ARMH3: variants seen among roughly 807,000 people sequenced by gnomAD.
The protein encoded by ARMH3 is armadillo-like helical domain-containing protein 3.
Under a neutral mutation model 99.1 loss-of-function variants are expected in ARMH3, and 60 were observed. That is an observed-to-expected ratio of 0.61 (90% CI 0.49 to 0.75). The LOEUF (loss-of-function observed/expected upper bound fraction) is 0.75. Ranked by LOEUF, ARMH3 falls within the 30% of genes least tolerant of loss-of-function variation. The pLI is 0.00. For missense variants in ARMH3, 679 were observed against 843.1 expected, an observed-to-expected ratio of 0.81 and a Z score of 2.41; for synonymous variants, 285 against 292.8, an observed-to-expected ratio of 0.97 and a Z score of 0.27.
chr10:101,887,723 G>A (rs146522963), intron 24 of ARMH3, among the ~76,000 whole-genome samples: 1,638 of 148,838 alleles, frequency 0.011, 13 homozygotes, highest in Non-Finnish European at 0.016. Flanking sequence ...GTGAGCCACC[G>A]CACCCAGCAG....
At chr10:101,953,102 T>C (rs1332072303) in intron 22 of ARMH3, among the ~76,000 whole-genome samples, 1 of 152,230 alleles carries the variant, frequency 6.6e-6, no homozygotes, top group Non-Finnish European at 1.5e-5. Flanking sequence ...CACTTGTGAA[T>C]GGTGCTATTA....
In ARMH3 at chr10:102,009,439, C is replaced by A. The variant is rs2066580094; in HGVS notation, c.889G>T (p.Ala297Ser). ...HEKISVQTNEAILLALYEAVH... is the reference protein window; with the variant it reads ...HEKISVQTNESILLALYEAVH... ...GCTTCATAAAGTGCCAGAAGAATGGCCTCATTGGTTCTAAAGAAAAAGAGA... is the reference window on the plus strand; with the variant it reads ...GCTTCATAAAGTGCCAGAAGAATGGACTCATTGGTTCTAAAGAAAAAGAGA... Residue 297 changes from alanine to serine, a missense_variant, in exon 13 of 26, where the codon GCC (alanine) becomes TCC (serine). Ala to Ser is a moderately conservative substitution (Grantham distance 99). Around this residue, in one of 3 missense-constraint regions of ARMH3, gnomAD observed 10 missense variants for 32.0 expected, o/e 0.31. Transcript: ENST00000370033. The A allele has an allele frequency of 6.2e-7, 1 of 1,613,634 alleles. No individual in the cohort carries two copies. Among genetic ancestry groups the A allele is most frequent in the South Asian group, 1.1e-5 (1 of 91,074 alleles).
At chr10:101,867,222 T>C (rs2067024990) in intron 24 of ARMH3, among the ~76,000 whole-genome samples, 1 of 152,212 alleles carries the variant, frequency 6.6e-6, no homozygotes, top group East Asian at 1.9e-4. Context: ...AAAAACTCTT[T>C]TACTGGATTG....
chr10:102,025,808 C>T (rs997769292), intron 5 of ARMH3, among the ~76,000 whole-genome samples: 1 of 152,062 alleles, frequency 6.6e-6, no homozygotes, highest in Admixed American at 6.6e-5. Context: ...TGCCACCACA[C>T]CCAGGTTTTT....
intron 23 of ARMH3, among the ~76,000 whole-genome samples, chr10:101,923,059 T>A (rs1342743252): frequency 1.3e-5 from 2 of 152,184 alleles, no homozygotes; most frequent in African/African-American, 4.8e-5. Context: ...AAAAAAACTC[T>A]CATTAAACCT....
chr10:102,021,873 G>A (rs1163324365), intron 8 of ARMH3, among the ~76,000 whole-genome samples: 1 of 151,650 alleles, frequency 6.6e-6, no homozygotes, highest in Non-Finnish European at 1.5e-5. Context: ...ATTTTTTTTT[G>A]TAGAGACTGT....
intron 5 of ARMH3, among the ~76,000 whole-genome samples, chr10:102,026,077 G>T (rs965674803): frequency 1.3e-5 from 2 of 152,096 alleles, no homozygotes; most frequent in Non-Finnish European, 2.9e-5. Context: ...GTCCATCCTG[G>T]TCTCCGCTTG....
chr10:101,913,362 T>TTTC (rs1554860904), intron 23 of ARMH3: 1 of 60,176 alleles, frequency 1.7e-5, no homozygotes, highest in African/African-American at 7.3e-5. Context: ...TCTCTCTCTC[T>TTTC]TTTTTTTTTT....
At chr10:101,962,066 C>T (rs1845321382) in intron 20 of ARMH3, among the ~76,000 whole-genome samples, 1 of 152,200 alleles carries the variant, frequency 6.6e-6, no homozygotes, top group African/African-American at 2.4e-5. Context: ...GAGAGATTTC[C>T]AACGAAGCAT....
chr10:101,985,205 C>T (rs956979148), intron 19 of ARMH3, among the ~76,000 whole-genome samples: 20 of 137,270 alleles, frequency 1.5e-4, no homozygotes, highest in African/African-American at 3.4e-4. Flanking sequence ...TATATATATA[C>T]GTATATATGT....
chr10:101,892,375 C>T (rs1241433584), intron 23 of ARMH3, among the ~76,000 whole-genome samples: 1 of 152,172 alleles, frequency 6.6e-6, no homozygotes, highest in Non-Finnish European at 1.5e-5. Flanking sequence ...GGGAGGATCA[C>T]TTGAGCCCAG....
chr10:101,973,034 G>A (rs187885187), intron 20 of ARMH3, among the ~76,000 whole-genome samples: 1 of 152,172 alleles, frequency 6.6e-6, no homozygotes, highest in South Asian at 2.1e-4. Context: ...AGTCAGAAAA[G>A]ATAAATATAA....
At position 101,992,040 on chromosome 10, in the gene ARMH3, T is replaced by C. The variant is rs750872297; in HGVS notation, c.1276-2A>G. Reference sequence around the variant, plus strand: ...TGCCTTCTTCCTGTGTCTCATAGGCTTCACACCAAAAAAATGAAGAAAGGA... The same window carrying C: ...TGCCTTCTTCCTGTGTCTCATAGGCCTCACACCAAAAAAATGAAGAAAGGA... On this transcript the variant is annotated splice_acceptor_variant, in intron 17 of 25. Transcript: ENST00000370033. LOFTEE classifies it high-confidence loss of function. 1 of 1,613,910 alleles carries C rather than the reference T, an allele frequency of 6.2e-7. No individual in the cohort carries two copies. The highest frequency in any genetic ancestry group is 8.5e-7 in the Non-Finnish European group (1 of 1,179,806).
chr10:102,004,684 T>TA (rs2066442180), intron 14 of ARMH3, among the ~76,000 whole-genome samples: 1 of 152,170 alleles, frequency 6.6e-6, no homozygotes, highest in Non-Finnish European at 1.5e-5. Context: ...GGTTCATTCT[T>TA]AAAGAGAAAG....
intron 19 of ARMH3, among the ~76,000 whole-genome samples, chr10:101,980,033 G>C (rs1230564078): frequency 6.6e-6 from 1 of 151,968 alleles, no homozygotes. Context: ...TTTAGTTAAG[G>C]GAGGGTTTGG....
At chr10:101,992,402 T>TAA (rs555193705) in intron 17 of ARMH3, among the ~76,000 whole-genome samples, 9 of 149,480 alleles carry the variant, frequency 6.0e-5, no homozygotes, top group African/African-American at 2.2e-4. Flanking sequence ...ATAATAATAA[T>TAA]AAAAAAAAGA....
intron 24 of ARMH3, among the ~76,000 whole-genome samples, chr10:101,886,101 T>C (rs2067534754): frequency 1.3e-5 from 2 of 151,196 alleles, no homozygotes; most frequent in Non-Finnish European, 2.9e-5. Flanking sequence ...ATGTTATGTA[T>C]ATTCTACCAC....
chr10:101,993,089 G>A (rs1846877759), intron 17 of ARMH3, among the ~76,000 whole-genome samples: 1 of 151,836 alleles, frequency 6.6e-6, no homozygotes, highest in African/African-American at 2.4e-5. Flanking sequence ...TGGCCAACGT[G>A]GTGAAACCCC....
At chr10:101,894,889 G>T (rs1427257382) in intron 23 of ARMH3, among the ~76,000 whole-genome samples, 1 of 129,800 alleles carries the variant, frequency 7.7e-6, no homozygotes, top group South Asian at 2.6e-4. Flanking sequence ...AAAAAAAAAA[G>T]GCACCAGAGA....
Sources: allele counts gnomAD v4.1 joint callset (sites outside exome capture counted in the v4.1 genomes callset), GRCh38; gene constraint gnomAD v4.1.1; regional missense constraint gnomAD v4.1.1; transcripts MANE v1.5; gene names NCBI Gene and HGNC (gene_info 2026-07-23, HGNC 2026-07-21).